Variants in UBE3D observed in about 807,000 individuals in gnomAD.
UBE3D encodes the protein E3 ubiquitin-protein ligase E3D.
UBE3D carries 48 observed loss-of-function variants against 49.6 expected under a neutral mutation model. The ratio of observed to expected loss-of-function variants is 0.97; its 90% CI spans 0.77 to 1.23. The LOEUF (loss-of-function observed/expected upper bound fraction) is 1.23, where lower values mean the gene tolerates loss of function less well. UBE3D is among the 50% of genes most tolerant of loss of function. The probability of loss-of-function intolerance (pLI) is 0.00; values close to 1 mark genes in which losing one functional copy is unlikely to be tolerated. For synonymous variants in UBE3D, 189 were observed against 174.2 expected (o/e 1.08, Z -0.67); for missense variants, 452 against 468.4 (o/e 0.96, Z 0.32).
In UBE3D at chr6:82,939,799, C is replaced by T. The variant is rs142721384; in HGVS notation, c.1149+17513G>A. 6.6e-5 allele frequency among the ~76,000 whole-genome samples: 10 copies of T among 152,298 alleles called. No homozygotes were observed. The South Asian group carries it at 1.0e-3, about 16-fold the overall frequency. On this transcript the variant is annotated intron_variant, in intron 9 of 9. Transcript: ENST00000369747. The stretch of plus-strand genomic sequence containing the variant: ...ATCTCTATCATTAAGTGATACATGA[C>T]GGTATTTCCTTTAGAATCAGGAAAA...
At chr6:82,945,144 G>C (rs1775307456) in intron 9 of UBE3D, among the ~76,000 whole-genome samples, 2 of 152,208 alleles carry the variant, frequency 1.3e-5, no homozygotes, top group Non-Finnish European at 2.9e-5. Context: ...ATTGGTTACA[G>C]TGGACACTGG....
At chr6:82,996,650 T>C (rs949372084) in intron 8 of UBE3D, among the ~76,000 whole-genome samples, 2 of 152,170 alleles carry the variant, frequency 1.3e-5, no homozygotes, top group African/African-American at 4.8e-5. Flanking sequence ...AGACTAACAT[T>C]GCCGGTGATG....
the UBE3D span, among the ~76,000 whole-genome samples, chr6:82,883,999 G>A: frequency 6.6e-6 from 1 of 152,166 alleles, no homozygotes; most frequent in Non-Finnish European, 1.5e-5. Flanking sequence ...ACTTGGGTTT[G>A]GTTCAGAAAT....
At chr6:82,975,920 A>T (rs1436707927) in intron 8 of UBE3D, among the ~76,000 whole-genome samples, 1 of 152,188 alleles carries the variant, frequency 6.6e-6, no homozygotes, top group African/African-American at 2.4e-5. Context: ...AAGTAACACA[A>T]ATGACTGACT....
At chr6:83,012,445 T>C (rs1294602127) in intron 8 of UBE3D, among the ~76,000 whole-genome samples, 1 of 152,186 alleles carries the variant, frequency 6.6e-6, no homozygotes, top group Non-Finnish European at 1.5e-5. Flanking sequence ...TGAAAGTCCA[T>C]GTTGCTGAGC....
chr6:83,042,720 T>C (rs1027507200), intron 4 of UBE3D, among the ~76,000 whole-genome samples: 6 of 152,208 alleles, frequency 3.9e-5, no homozygotes, highest in Admixed American at 3.9e-4. Context: ...CCCTTGATAT[T>C]GTCTCATCAA....
intron 8 of UBE3D, among the ~76,000 whole-genome samples, chr6:82,995,136 G>A (rs955388913): frequency 1.3e-5 from 2 of 151,880 alleles, no homozygotes; most frequent in African/African-American, 2.4e-5. Context: ...AAAGGGAAGA[G>A]GTCAGAGGCC....
chr6:82,917,405 G>A (rs1772999111), intron 9 of UBE3D, among the ~76,000 whole-genome samples: 1 of 152,124 alleles, frequency 6.6e-6, no homozygotes. Context: ...TACGTATGCA[G>A]GAAGGAACAC....
intron 2 of UBE3D, 108 bp downstream of exon 2, chr6:83,057,718 G>T: frequency 9.3e-7 from 1 of 1,079,758 alleles, no homozygotes. Context: ...AGACCCTAGA[G>T]CTTCTCAACC....
At chr6:83,019,306 G>A (rs1780921631) in intron 7 of UBE3D, among the ~76,000 whole-genome samples, 170 bp from the exon 8 acceptor site, 1 of 148,802 alleles carries the variant, frequency 6.7e-6, no homozygotes. Flanking sequence ...ACTCTCGGTA[G>A]AGCAACTGAC....
At chr6:82,958,933 G>A (rs748084647) in intron 8 of UBE3D, among the ~76,000 whole-genome samples, 3 of 152,162 alleles carry the variant, frequency 2.0e-5, no homozygotes, top group Non-Finnish European at 4.4e-5. Context: ...TCTGGCTAGA[G>A]GAAGTAAATT....
chr6:82,953,670 C>A (rs1233358162), intron 9 of UBE3D, among the ~76,000 whole-genome samples: 2 of 152,198 alleles, frequency 1.3e-5, no homozygotes, highest in Admixed American at 6.5e-5. Context: ...CTTCCTACAT[C>A]CAGGCACTAT....
chr6:82,911,817 G>A (rs1772549983), intron 9 of UBE3D, among the ~76,000 whole-genome samples: 1 of 152,184 alleles, frequency 6.6e-6, no homozygotes, highest in Non-Finnish European at 1.5e-5. Context: ...CTCAGGAGAA[G>A]TCATGGGAGG....
At chr6:83,010,568 A>T (rs76399507) in intron 8 of UBE3D, among the ~76,000 whole-genome samples, 5,329 of 150,020 alleles carry the variant, frequency 0.036, 149 homozygotes, top group African/African-American at 0.076. Flanking sequence ...AGAGGGATGG[A>T]ACTAATAGGA....
the UBE3D span, among the ~76,000 whole-genome samples, chr6:82,885,498 C>A: frequency 3.3e-5 from 5 of 152,174 alleles, no homozygotes; most frequent in Non-Finnish European, 7.3e-5. Context: ...GCTGAAATAA[C>A]CCCTATGAGA....
intron 8 of UBE3D, among the ~76,000 whole-genome samples, chr6:82,976,175 C>G (rs977925548): frequency 6.6e-6 from 1 of 152,150 alleles, no homozygotes; most frequent in Admixed American, 6.5e-5. Flanking sequence ...CTTTGGAGAT[C>G]GGTGTCCAAC....
chr6:83,022,458 T>C lies in UBE3D; in HGVS notation c.841A>G (p.Ile281Val), dbSNP rs747011892. The C allele has an allele frequency of 2.5e-6, 4 of 1,591,242 alleles. No individual in the cohort carries two copies. The African/African-American group carries it at 4.1e-5, about 16-fold the overall frequency. Residue 281 changes from isoleucine (I) to valine (V), a missense_variant, in exon 7 of 10, where the codon ATC becomes GTC. Physicochemically the swap from Ile to Val is conservative, Grantham distance 29. Transcript: ENST00000369747. The stretch of plus-strand genomic sequence containing the variant: ...TGGATAAAATAATTTCTTACCAAGA[T>C]ATACACTTTGTCATCCTGACCTTGA... The part of the protein sequence containing the change: ...TIQGQDDKVY[I>V]LLWLLNSDSL...
chr6:82,897,700 A>G (rs1218001003), intron 9 of UBE3D, among the ~76,000 whole-genome samples: 1 of 152,192 alleles, frequency 6.6e-6, no homozygotes. Context: ...AAAATTAAAA[A>G]CTACAACTTT....
intron 3 of UBE3D, among the ~76,000 whole-genome samples, chr6:83,047,290 A>G (rs1783126022): frequency 6.6e-6 from 1 of 152,206 alleles, no homozygotes; most frequent in Non-Finnish European, 1.5e-5. Context: ...CTTGGTTGGT[A>G]AACTGCATCT....
Sources: allele counts gnomAD v4.1 joint callset (sites outside exome capture counted in the v4.1 genomes callset), GRCh38; gene constraint gnomAD v4.1.1; transcripts MANE v1.5; gene names NCBI Gene and HGNC (gene_info 2026-07-23, HGNC 2026-07-21).